The following XPO4 variants were observed in gnomAD, a reference collection of about 807,000 sequenced individuals.
XPO4 encodes exportin 4.
In XPO4, 39 loss-of-function variants were observed where a neutral mutation model predicts 143.0. The ratio of observed to expected loss-of-function variants is 0.27; its 90% CI spans 0.21 to 0.36. The LOEUF (loss-of-function observed/expected upper bound fraction) is 0.36, where lower values mean the gene tolerates loss of function less well. Among genes scored for constraint, XPO4 ranks in the 10% least tolerant of loss-of-function variants. The probability of loss-of-function intolerance (pLI) is 1.00; values close to 1 mark genes in which losing one functional copy is unlikely to be tolerated. For missense variants in XPO4, 907 were observed against 1,348.0 expected (o/e 0.67, Z 5.12); for synonymous variants, 439 against 474.0 (o/e 0.93, Z 0.96).
At position 20,852,287 on chromosome 13, in the gene XPO4, T is replaced by C. The variant is rs75216555; in HGVS notation, c.456+3340A>G. 567 of 985,480 alleles carry C rather than the reference T, an allele frequency of 5.8e-4. 2 individuals are homozygous for C. The African/African-American group carries it at 7.8e-3, about 14-fold the overall frequency. 61.0% of individuals were successfully genotyped at this position (985,480 alleles called of 1,614,324 possible). A position where few individuals can be genotyped will look rare whatever the true frequency, so the allele number is the denominator to read the frequency against. ...ACTGTCAAAATGAAACAAGATGTTC[T>C]TAAGTGAAATCTAAAATATGAAGTG... On this transcript the variant is annotated intron_variant, in intron 4 of 22. Coordinates refer to ENST00000255305, the MANE Select transcript of XPO4 (RefSeq NM_022459.5).
intron 6 of XPO4, 100 bp downstream of exon 6, chr13:20,842,795 A>C: frequency 9.2e-7 from 1 of 1,083,292 alleles, no homozygotes; most frequent in Non-Finnish European, 1.3e-6. Context: ...TTTTCTTTCA[A>C]TATGTTTTAT....
intron 3 of XPO4, among the ~76,000 whole-genome samples, chr13:20,858,292 A>G (rs912227842): frequency 1.8e-4 from 28 of 152,238 alleles, no homozygotes; most frequent in African/African-American, 6.8e-4. Context: ...AACTCAGAAT[A>G]TGGAATCAGA....
chr13:20,831,234 T>A (rs1271686534), intron 6 of XPO4, among the ~76,000 whole-genome samples: 2 of 152,146 alleles, frequency 1.3e-5, no homozygotes, highest in Non-Finnish European at 2.9e-5. Context: ...AGCAATATTT[T>A]AAAAATAATT....
At chr13:20,892,889 T>TAA (rs71200313) in intron 1 of XPO4, among the ~76,000 whole-genome samples, 76 of 139,242 alleles carry the variant, frequency 5.5e-4, no homozygotes, top group South Asian at 3.0e-3. Flanking sequence ...AAGTAAAAAA[T>TAA]AAAAAAAAAA....
At position 20,869,603 on chromosome 13, in the gene XPO4, A is replaced by C. The variant is rs2060275218; in HGVS notation, c.70-902T>G. Reference sequence around the variant, plus strand: ...AATCAATTATATTAGATCAACACTCATTATAAATTATATCAATTATGCAAC... The same window carrying C: ...AATCAATTATATTAGATCAACACTCCTTATAAATTATATCAATTATGCAAC... On this transcript the variant is annotated intron_variant, in intron 1 of 22. Transcript: ENST00000255305. 3.9e-6 allele frequency: 3 copies of C among 766,380 alleles called. No homozygotes were observed. The South Asian group carries it at 1.8e-4, about 46-fold the overall frequency. The allele number at this position is 766,380 out of a possible 1,614,324, so 47.5% of individuals were successfully genotyped here.
At chr13:20,844,312 C>T (rs922277694) in intron 4 of XPO4, among the ~76,000 whole-genome samples, 1 of 152,142 alleles carries the variant, frequency 6.6e-6, no homozygotes, top group Admixed American at 6.5e-5. Context: ...CCATGTTTGA[C>T]CCCGTTCTGT....
intron 1 of XPO4, among the ~76,000 whole-genome samples, chr13:20,882,109 C>CAAAAAAAAAAAAGAA (rs2060416207): frequency 1.1e-5 from 1 of 93,378 alleles, no homozygotes; most frequent in African/African-American, 4.7e-5. Context: ...GACTCGGTCT[C>CAAAAAAAAAAAAGAA]AAAAAAAAAA....
At chr13:20,871,211 C>T (rs1205444765) in intron 1 of XPO4, among the ~76,000 whole-genome samples, 1 of 152,126 alleles carries the variant, frequency 6.6e-6, no homozygotes, top group Non-Finnish European at 1.5e-5. Flanking sequence ...GACGGAATCT[C>T]ACTCTGTTGC....
intron 3 of XPO4, among the ~76,000 whole-genome samples, chr13:20,858,512 CCACCACA>C (rs1468667894): frequency 6.6e-6 from 1 of 152,066 alleles, no homozygotes; most frequent in Non-Finnish European, 1.5e-5. Flanking sequence ...GGTGTGTTTA[CCACCACA>C]TTCTGGCCTG....
chr13:20,794,440 T>G (rs2059329651), intron 18 of XPO4, among the ~76,000 whole-genome samples: 1 of 152,160 alleles, frequency 6.6e-6, no homozygotes, highest in Non-Finnish European at 1.5e-5. Context: ...CATATACATG[T>G]TTTAGCTCTG....
intron 1 of XPO4, among the ~76,000 whole-genome samples, chr13:20,890,695 G>C (rs1041264782): frequency 6.6e-6 from 1 of 151,062 alleles, no homozygotes; most frequent in African/African-American, 2.4e-5. Context: ...GCTACTCAGA[G>C]GGCTGAGGCT....
At chr13:20,836,386 C>G (rs964197263) in intron 6 of XPO4, among the ~76,000 whole-genome samples, 5 of 152,092 alleles carry the variant, frequency 3.3e-5, no homozygotes, top group African/African-American at 1.2e-4. Context: ...CTTTGCTTTC[C>G]AAACACTCCT....
intron 1 of XPO4, among the ~76,000 whole-genome samples, chr13:20,895,136 C>T (rs1177780890): frequency 6.6e-6 from 1 of 152,054 alleles, no homozygotes; most frequent in Non-Finnish European, 1.5e-5. Context: ...CGAGATTGCG[C>T]CACTGCACTC....
chr13:20,831,582 T>G (rs1282095819), intron 6 of XPO4, among the ~76,000 whole-genome samples: 1 of 152,146 alleles, frequency 6.6e-6, no homozygotes, highest in Non-Finnish European at 1.5e-5. Flanking sequence ...TATATATTTT[T>G]CTAAAATAAA....
chr13:20,855,871 G>T, intron 3 of XPO4, 106 bp from the exon 4 acceptor site: 1 of 1,196,342 alleles, frequency 8.4e-7, no homozygotes, highest in African/African-American at 1.5e-5. Context: ...GCTTACATGT[G>T]AGAGTAGAAG....
intron 6 of XPO4, among the ~76,000 whole-genome samples, chr13:20,832,679 A>G (rs962371054): frequency 6.6e-6 from 1 of 152,194 alleles, no homozygotes; most frequent in African/African-American, 2.4e-5. Flanking sequence ...TTTTCTAACA[A>G]CAAAAACTGC....
chr13:20,874,136 G>A (rs1280972954), intron 1 of XPO4, among the ~76,000 whole-genome samples: 1 of 152,164 alleles, frequency 6.6e-6, no homozygotes. Flanking sequence ...CAGTTGGGTA[G>A]ACTAACATCT....
chr13:20,799,014 C>T (rs1187275471), intron 16 of XPO4, 151 bp downstream of exon 16: 1 of 758,736 alleles, frequency 1.3e-6, no homozygotes, highest in African/African-American at 1.8e-5. Context: ...GAGTAAGACC[C>T]TATCTCAGAA....
intron 1 of XPO4, among the ~76,000 whole-genome samples, chr13:20,893,669 T>C (rs752619755): frequency 1.3e-5 from 2 of 151,724 alleles, no homozygotes; most frequent in African/African-American, 2.4e-5. Context: ...GTCAGGAGAA[T>C]TGCTTGAACC....
Sources: gnomAD v4.1 joint callset for allele counts (sites outside exome capture counted in the v4.1 genomes callset) on GRCh38, gnomAD v4.1.1 for gene constraint, MANE v1.5 for transcripts, NCBI Gene and HGNC (gene_info 2026-07-23, HGNC 2026-07-21) for gene names.